Variants in RSPO2 observed in about 807,000 individuals in gnomAD.
RSPO2 encodes the protein R-spondin 2.
RSPO2 carries 14 observed loss-of-function variants against 30.9 expected under a neutral mutation model. The ratio of observed to expected loss-of-function variants is 0.45; its 90% CI spans 0.30 to 0.71. The LOEUF is 0.71. Among genes scored for constraint, RSPO2 ranks in the 30% least tolerant of loss-of-function variants. The probability of loss-of-function intolerance (pLI) is 0.08; values close to 1 mark genes in which losing one functional copy is unlikely to be tolerated. For synonymous variants in RSPO2, 107 were observed against 96.4 expected, an observed-to-expected ratio of 1.11 and a Z score of -0.64; for missense variants, 264 against 301.9, an observed-to-expected ratio of 0.87 and a Z score of 0.93.
chr8:107,940,689 C>G (rs1305726275), intron 5 of RSPO2, among the ~76,000 whole-genome samples: 1 of 152,124 alleles, frequency 6.6e-6, no homozygotes, highest in Non-Finnish European at 1.5e-5. Context: ...GATTCAAGTC[C>G]TCAAAAACCA....
At chr8:107,935,737 C>T (rs369225710) in intron 5 of RSPO2, among the ~76,000 whole-genome samples, 10 of 152,086 alleles carry the variant, frequency 6.6e-5, no homozygotes, top group African/African-American at 9.7e-5. Flanking sequence ...TCTTAGCAAG[C>T]CACCCTGGGT....
chr8:108,005,438 G>A (rs191420068), intron 2 of RSPO2, among the ~76,000 whole-genome samples: 6 of 152,168 alleles, frequency 3.9e-5, no homozygotes, highest in East Asian at 1.9e-4. Context: ...TCAGGTTGTC[G>A]AAGGTGATTC....
chr8:108,056,973 C>G (rs2084816), intron 2 of RSPO2, among the ~76,000 whole-genome samples: 1 of 136,472 alleles, frequency 7.3e-6, no homozygotes, highest in Admixed American at 8.2e-5. Context: ...AGGAGAATCT[C>G]TTGAACCTGG....
At chr8:108,043,863 T>A (rs1811831079) in intron 2 of RSPO2, among the ~76,000 whole-genome samples, 1 of 152,134 alleles carries the variant, frequency 6.6e-6, no homozygotes. Context: ...AAACATTGTC[T>A]TAATGACCAG....
rs544462578 is a variant in RSPO2, at chr8:107,915,701, T to A, written c.617-14511A>T. The stretch of plus-strand genomic sequence containing the variant: ...TCCTTATTTGTCTGGTCACATTCGG[T>A]GAGCCCTGAAGAGAGTTCAACAGGC... On this transcript the variant is annotated intron_variant, in intron 5 of 5. Coordinates refer to ENST00000276659, the MANE Select transcript of RSPO2 (RefSeq NM_178565.5). Among the ~76,000 whole-genome samples the A allele has an allele frequency of 1.2e-4, 19 of 152,254 alleles. No individual in the cohort carries two copies. In the South Asian group the frequency reaches 3.9e-3, roughly 32 times the overall value.
At chr8:107,999,745 G>T (rs1233698053) in intron 2 of RSPO2, among the ~76,000 whole-genome samples, 1 of 151,884 alleles carries the variant, frequency 6.6e-6, no homozygotes, top group Admixed American at 6.6e-5. Flanking sequence ...AAACCTAGGA[G>T]TTTTTAAATA....
At chr8:108,038,538 A>T (rs1037937130) in intron 2 of RSPO2, among the ~76,000 whole-genome samples, 12 of 152,218 alleles carry the variant, frequency 7.9e-5, no homozygotes, top group Non-Finnish European at 5.9e-5. Context: ...TGGATAAGAC[A>T]TTATCAAACA....
chr8:108,022,502 T>C (rs920350586), intron 2 of RSPO2, among the ~76,000 whole-genome samples: 9 of 152,228 alleles, frequency 5.9e-5, no homozygotes, highest in African/African-American at 2.2e-4. Context: ...GAAATTTATA[T>C]TCTCATTGCT....
chr8:107,969,148 G>A (rs940974954), intron 3 of RSPO2, among the ~76,000 whole-genome samples: 2 of 152,110 alleles, frequency 1.3e-5, no homozygotes, highest in African/African-American at 4.8e-5. Context: ...CAGATAAAAA[G>A]GGGGAAATAC....
chr8:108,034,066 A>G (rs1811512540), intron 2 of RSPO2, among the ~76,000 whole-genome samples: 1 of 152,202 alleles, frequency 6.6e-6, no homozygotes, highest in Admixed American at 6.5e-5. Flanking sequence ...TGTGGTTTAC[A>G]TTGTTTAAAA....
intron 5 of RSPO2, among the ~76,000 whole-genome samples, chr8:107,915,627 A>G (rs991139471): frequency 1.3e-5 from 2 of 151,934 alleles, no homozygotes; most frequent in African/African-American, 4.8e-5. Flanking sequence ...TGTGGAGTGG[A>G]TCTCAGAAGG....
intron 3 of RSPO2, among the ~76,000 whole-genome samples, chr8:107,970,733 G>A (rs1382393364): frequency 6.6e-6 from 1 of 152,140 alleles, no homozygotes; most frequent in East Asian, 1.9e-4. Context: ...TTAATTTCTT[G>A]CTTGCTGTGG....
intron 5 of RSPO2, among the ~76,000 whole-genome samples, chr8:107,939,197 C>T (rs900823546): frequency 5.9e-5 from 9 of 151,962 alleles, no homozygotes; most frequent in Non-Finnish European, 8.8e-5. Context: ...AGTCATATGG[C>T]CACCGGCAGG....
chr8:107,926,332 T>C (rs1459865071), intron 5 of RSPO2, among the ~76,000 whole-genome samples: 1 of 152,126 alleles, frequency 6.6e-6, no homozygotes. Flanking sequence ...TTGCAAAAAT[T>C]TTCTCCTATT....
At chr8:107,974,872 A>G (rs1028690058) in intron 3 of RSPO2, among the ~76,000 whole-genome samples, 2 of 149,348 alleles carry the variant, frequency 1.3e-5, no homozygotes, top group African/African-American at 4.9e-5. Context: ...ACACAGGTTA[A>G]TCAGTGAAAG....
intron 2 of RSPO2, among the ~76,000 whole-genome samples, chr8:108,002,547 C>T (rs1815286560): frequency 6.6e-6 from 1 of 152,138 alleles, no homozygotes; most frequent in Non-Finnish European, 1.5e-5. Flanking sequence ...ATGTATAATT[C>T]TCACCGTGTT....
intron 3 of RSPO2, among the ~76,000 whole-genome samples, chr8:107,973,218 C>A (rs947482134): frequency 2.0e-5 from 3 of 151,116 alleles, no homozygotes; most frequent in Non-Finnish European, 4.4e-5. Flanking sequence ...TGCAGTGAGC[C>A]GAGATCACGC....
chr8:108,044,543 TA>T (rs1481943655), intron 2 of RSPO2, among the ~76,000 whole-genome samples: 2 of 152,158 alleles, frequency 1.3e-5, no homozygotes, highest in African/African-American at 4.8e-5. Flanking sequence ...GACATTATTT[TA>T]TTCCTTTTTA....
chr8:108,065,030 G>A (rs1268847046), intron 2 of RSPO2, among the ~76,000 whole-genome samples: 1 of 151,956 alleles, frequency 6.6e-6, no homozygotes, highest in Admixed American at 6.6e-5. Context: ...GTGGGGTGGG[G>A]AGAAGGGGGA....
Sources: gnomAD v4.1 joint callset for allele counts (sites outside exome capture counted in the v4.1 genomes callset) on GRCh38, gnomAD v4.1.1 for gene constraint, MANE v1.5 for transcripts, NCBI Gene and HGNC (gene_info 2026-07-23, HGNC 2026-07-21) for gene names.